Variants in WNK1 observed in about 807,000 individuals in gnomAD.
WNK1 encodes WNK lysine deficient protein kinase 1.
Under a neutral mutation model 222.8 loss-of-function variants are expected in WNK1, and 38 were observed. The ratio of observed to expected loss-of-function variants is 0.17; its 90% CI spans 0.13 to 0.22. WNK1 has a LOEUF of 0.22. WNK1 is among the 10% of genes least tolerant of loss of function. WNK1 has a pLI of 1.00. For synonymous variants in WNK1, 1,090 were observed against 1,092.9 expected (o/e 1.00, Z 0.05); for missense variants, 2,348 against 2,918.4 (o/e 0.80, Z 4.50).
chr12:840,623 T>C (rs1039275717), intron 4 of WNK1, among the ~76,000 whole-genome samples: 14 of 152,316 alleles, frequency 9.2e-5, no homozygotes, highest in Non-Finnish European at 1.9e-4. Context: ...TGCAACAGAC[T>C]GTATGATACA....
chr12:840,009 G>C (rs1275644063), intron 4 of WNK1, among the ~76,000 whole-genome samples: 1 of 151,468 alleles, frequency 6.6e-6, no homozygotes, highest in African/African-American at 2.4e-5. Context: ...TTACAGGTGT[G>C]AGCCACCACA....
At chr12:818,221 A>G (rs1340934626) in intron 2 of WNK1, among the ~76,000 whole-genome samples, 6 of 152,096 alleles carry the variant, frequency 3.9e-5, no homozygotes, top group African/African-American at 1.4e-4. Flanking sequence ...TTAATTGCAC[A>G]TTATCTAAGT....
chr12:848,872 T>A (rs1950220802), intron 4 of WNK1, among the ~76,000 whole-genome samples: 1 of 152,204 alleles, frequency 6.6e-6, no homozygotes, highest in Admixed American at 6.5e-5. Flanking sequence ...AATCTAGATA[T>A]TTGTGCCTAC....
At chr12:907,794 T>G in intron 26 of WNK1, 53 bp from the exon 27 acceptor site, 1 of 1,607,446 alleles carries the variant, frequency 6.2e-7, no homozygotes, top group African/African-American at 1.3e-5. Flanking sequence ...TCCCTCTTCC[T>G]GAAATTGTAA....
Position 878,804 on chromosome 12 carries a change from T to A in WNK1, c.2373+443T>A, listed in dbSNP as rs1009404474. ...TGGAATGTTTTTTTTTCTTAAGTAG[T>A]CCTCCTAATCACTTGAGAAGTACCC... On this transcript the variant is annotated intron_variant, in intron 10 of 27. Coordinates refer to ENST00000315939, the MANE Select transcript of WNK1 (RefSeq NM_018979.4). Among the ~76,000 whole-genome samples, 7 of 151,654 alleles carry A rather than the reference T, an allele frequency of 4.6e-5. 1 individual carries two copies. The highest frequency in any genetic ancestry group is 8.8e-5 in the Non-Finnish European group (6 of 67,886).
chr12:890,468 G>A lies in WNK1; in HGVS notation c.5464G>A (p.Ala1822Thr), dbSNP rs774513601. 3 of 1,614,038 alleles carry A rather than the reference G, an allele frequency of 1.9e-6. No homozygotes were observed. Among genetic ancestry groups the A allele is most frequent in the Non-Finnish European group, 2.5e-6 (3 of 1,180,012 alleles). Reference protein sequence around the residue: ...TSAVGPVSMAAPTAITEAGTQ... With the variant: ...TSAVGPVSMATPTAITEAGTQ... ...TGTTTTACAGCCTGTGTCCATGGCG[G>A]CTCCAACAGCAATCACAGAAGCAGG... Residue 1822 changes from alanine to threonine, a missense_variant, in exon 22 of 28, where the codon GCT becomes ACT. This residue lies in a region of WNK1 where 1,144 missense variants were observed against 1,273.6 expected (regional missense o/e 0.90). Transcript: ENST00000315939.
At chr12:789,360 G>A (rs1944624336) in intron 1 of WNK1, among the ~76,000 whole-genome samples, 1 of 152,074 alleles carries the variant, frequency 6.6e-6, no homozygotes, top group Non-Finnish European at 1.5e-5. Flanking sequence ...AGAATTCTTT[G>A]CTGTTAAAAT....
chr12:870,822 C>A (rs1479410670), intron 8 of WNK1, among the ~76,000 whole-genome samples: 1 of 152,120 alleles, frequency 6.6e-6, no homozygotes, highest in Non-Finnish European at 1.5e-5. Context: ...TTTTTTGATA[C>A]TTTTGATAAA....
intron 19 of WNK1, 67 bp downstream of exon 19, chr12:886,151 T>C: frequency 7.4e-7 from 1 of 1,356,756 alleles, no homozygotes; most frequent in Non-Finnish European, 1.0e-6. Context: ...ATGAGTACAT[T>C]TTTCACTTCA....
rs72649877 is a variant in WNK1 at position 871,621 on chromosome 12, G to T, written c.2223+273G>T. ...AAAGAGGATTCTACACCTTTTTTTT[G>T]AGACAAAGTCTCACTCTGTCACCCA... On this transcript the variant is annotated intron_variant, in intron 9 of 27. Coordinates refer to ENST00000315939, the MANE Select transcript of WNK1 (RefSeq NM_018979.4). Among the ~76,000 whole-genome samples the T allele has an allele frequency of 3.2e-3, 481 of 150,228 alleles. 3 individuals carry two copies. The highest frequency in any genetic ancestry group is 0.011 in the African/African-American group (449 of 40,896).
intron 1 of WNK1, among the ~76,000 whole-genome samples, chr12:793,691 T>G (rs1945048423): frequency 6.6e-6 from 1 of 152,198 alleles, no homozygotes; most frequent in Admixed American, 6.5e-5. Context: ...TGACTAAATA[T>G]GGCAGTTCTT....
intron 8 of WNK1, chr12:868,396 G>A: frequency 6.2e-7 from 1 of 1,613,852 alleles, no homozygotes; most frequent in East Asian, 2.2e-5. Context: ...CAGTACAAGG[G>A]GGCCCTACTT....
intron 2 of WNK1, among the ~76,000 whole-genome samples, chr12:816,576 C>T (rs143610948): frequency 1.8e-4 from 28 of 152,220 alleles, no homozygotes; most frequent in African/African-American, 6.5e-4. Context: ...GCATGAGCCA[C>T]GGTGCCCAGC....
intron 1 of WNK1, among the ~76,000 whole-genome samples, chr12:761,644 T>G (rs1941033032): frequency 6.8e-6 from 1 of 147,918 alleles, no homozygotes; most frequent in South Asian, 2.2e-4. Flanking sequence ...ATCAAATGAT[T>G]AATGTGCACA....
intron 1 of WNK1, among the ~76,000 whole-genome samples, chr12:797,937 A>G: frequency 9.2e-6 from 1 of 109,052 alleles, no homozygotes; most frequent in Non-Finnish European, 1.9e-5. Flanking sequence ...TGACAGAGTG[A>G]GACTCTGTCT....
intron 1 of WNK1, among the ~76,000 whole-genome samples, 174 bp downstream of exon 1, chr12:754,498 T>C (rs907016180): frequency 6.6e-6 from 1 of 152,062 alleles, no homozygotes; most frequent in African/African-American, 2.4e-5. Flanking sequence ...TGTGCCTAGG[T>C]GTTGGGATAG....
chr12:885,570 C>A lies in WNK1; in HGVS notation c.4766C>A (p.Thr1589Asn). The A allele has an allele frequency of 6.2e-7, 1 of 1,614,170 alleles. No individual in the cohort carries two copies. Among genetic ancestry groups the A allele is most frequent in the Non-Finnish European group, 8.5e-7 (1 of 1,180,024 alleles). The change falls in exon 19 of 28, where the codon ACT (threonine) becomes AAT (asparagine). Residue 1589 changes from threonine to asparagine, a missense_variant. Physicochemically the swap from Thr to Asn is moderately conservative, Grantham distance 65. This residue lies in a region of WNK1 where 1,144 missense variants were observed against 1,273.6 expected (regional missense o/e 0.90). Transcript: ENST00000315939. ...ATTCTTCCCCAAGCAGCAGGACCTA[C>A]TTCTACACCTTTATTACCCCAAGTA... ...TPILPQAAGPTSTPLLPQVPS... is the reference protein window; with the variant it reads ...TPILPQAAGPNSTPLLPQVPS...
intron 1 of WNK1, among the ~76,000 whole-genome samples, chr12:763,570 CAA>C (rs774799629): frequency 2.9e-5 from 4 of 137,070 alleles, no homozygotes; most frequent in African/African-American, 7.5e-5. Flanking sequence ...GCCTGGGCGA[CAA>C]GAGGGAAACT....
intron 20 of WNK1, 49 bp downstream of exon 20, chr12:887,353 A>G: frequency 6.3e-7 from 1 of 1,594,016 alleles, no homozygotes; most frequent in East Asian, 2.2e-5. Context: ...TTTCTTTGAC[A>G]AAGCTTGCTG....
Sources: allele counts gnomAD v4.1 joint callset (sites outside exome capture counted in the v4.1 genomes callset), GRCh38; gene constraint gnomAD v4.1.1; regional missense constraint gnomAD v4.1.1; transcripts MANE v1.5; gene names NCBI Gene and HGNC (gene_info 2026-07-23, HGNC 2026-07-21).